MAML3: variants seen among roughly 807,000 people sequenced by gnomAD.
MAML3 encodes the protein mastermind-like protein 3.
A neutral mutation model predicts 101.9 loss-of-function variants in MAML3; 27 were observed. The ratio of observed to expected loss-of-function variants is 0.27; its 90% confidence interval spans 0.20 to 0.37. The LOEUF (loss-of-function observed/expected upper bound fraction) is 0.37. MAML3 is among the 10% of genes least tolerant of loss of function. MAML3 has a pLI of 1.00. For missense variants in MAML3, 1,316 were observed against 1,444.9 expected (o/e 0.91, Z 1.45); for synonymous variants, 501 against 555.9 (o/e 0.90, Z 1.39).
intron 1 of MAML3, among the ~76,000 whole-genome samples, chr4:140,108,631 C>A (rs1218383233): frequency 6.7e-6 from 1 of 149,812 alleles, no homozygotes; most frequent in Non-Finnish European, 1.5e-5. Flanking sequence ...CTTCTGATTA[C>A]CAGGGCCAAG....
intron 1 of MAML3, among the ~76,000 whole-genome samples, chr4:140,137,400 G>A (rs537294411): frequency 3.9e-5 from 6 of 152,146 alleles, no homozygotes; most frequent in Admixed American, 1.3e-4. Flanking sequence ...TTTTAACATT[G>A]AAAATTTTCT....
At chr4:139,823,624 GC>G (rs1422435234) in intron 2 of MAML3, among the ~76,000 whole-genome samples, 1 of 151,942 alleles carries the variant, frequency 6.6e-6, no homozygotes, top group East Asian at 1.9e-4. Context: ...TAAGCCTAGT[GC>G]CCTGGATCAT....
intron 2 of MAML3, among the ~76,000 whole-genome samples, chr4:139,794,655 T>C (rs1233645891): frequency 6.6e-6 from 1 of 152,212 alleles, no homozygotes; most frequent in East Asian, 1.9e-4. Context: ...CTTGTCCAGT[T>C]TTCAAAATGA....
chr4:140,073,203 T>C (rs1560885087), intron 1 of MAML3, among the ~76,000 whole-genome samples: 10 of 151,820 alleles, frequency 6.6e-5, no homozygotes, highest in Admixed American at 4.6e-4. Context: ...AGTGGCAAGA[T>C]CTTGGTTCAC....
intron 1 of MAML3, among the ~76,000 whole-genome samples, chr4:139,942,788 C>T (rs1424915352): frequency 6.6e-6 from 1 of 152,058 alleles, no homozygotes; most frequent in East Asian, 1.9e-4. Flanking sequence ...AAAACTGAAT[C>T]GTGATTTGGT....
chr4:139,874,307 A>G (rs1033678144), intron 2 of MAML3, among the ~76,000 whole-genome samples: 1 of 152,146 alleles, frequency 6.6e-6, no homozygotes, highest in Non-Finnish European at 1.5e-5. Flanking sequence ...TTAATATTGT[A>G]CTTTAAAATA....
intron 1 of MAML3, among the ~76,000 whole-genome samples, chr4:139,978,708 A>T (rs1236885577): frequency 6.6e-6 from 1 of 151,720 alleles, no homozygotes; most frequent in East Asian, 1.9e-4. Context: ...GCAGGTTATC[A>T]AAGAGACTTG....
chr4:139,854,647 T>G (rs988948692), intron 2 of MAML3, among the ~76,000 whole-genome samples: 1 of 83,266 alleles, frequency 1.2e-5, no homozygotes, highest in Admixed American at 1.3e-4. Flanking sequence ...TTAGGCCTGG[T>G]GGCAACAGGG....
At chr4:140,090,906 C>T (rs1156489156) in intron 1 of MAML3, among the ~76,000 whole-genome samples, 1 of 152,096 alleles carries the variant, frequency 6.6e-6, no homozygotes. Context: ...AAAAATTAGC[C>T]AGGCATGGTG....
At chr4:139,823,747 C>T (rs995594999) in intron 2 of MAML3, among the ~76,000 whole-genome samples, 1 of 150,984 alleles carries the variant, frequency 6.6e-6, no homozygotes, top group African/African-American at 2.4e-5. Flanking sequence ...TCTGCTAGAA[C>T]GTAAGCTGCA....
chr4:140,086,805 G>C (rs1336658159), intron 1 of MAML3, among the ~76,000 whole-genome samples: 1 of 152,192 alleles, frequency 6.6e-6, no homozygotes, highest in Admixed American at 6.5e-5. Context: ...AAAAAAAAGA[G>C]AGATTTTAAA....
intron 2 of MAML3, among the ~76,000 whole-genome samples, chr4:139,856,507 C>T (rs562630199): frequency 1.7e-4 from 26 of 152,340 alleles, no homozygotes; most frequent in Non-Finnish European, 3.4e-4. Flanking sequence ...GCAGGTAGCA[C>T]TCAGAGAGTC....
At chr4:140,074,827 T>C (rs1328483920) in intron 1 of MAML3, among the ~76,000 whole-genome samples, 2 of 152,176 alleles carry the variant, frequency 1.3e-5, no homozygotes, top group African/African-American at 4.8e-5. Flanking sequence ...TTCTGATAGT[T>C]CAATGTACAC....
At chr4:139,817,350 T>C (rs899370925) in intron 2 of MAML3, among the ~76,000 whole-genome samples, 1 of 152,198 alleles carries the variant, frequency 6.6e-6, no homozygotes, top group Admixed American at 6.5e-5. Context: ...TCCGTGGCTT[T>C]CATCCATGCA....
At chr4:139,877,163 T>C (rs774874350) in intron 2 of MAML3, among the ~76,000 whole-genome samples, 21 of 152,224 alleles carry the variant, frequency 1.4e-4, no homozygotes, top group Non-Finnish European at 2.6e-4. Context: ...TCATGTGTCA[T>C]ATTAACTAAT....
intron 2 of MAML3, among the ~76,000 whole-genome samples, chr4:139,773,909 C>T (rs974833390): frequency 4.6e-5 from 7 of 152,130 alleles, no homozygotes; most frequent in Admixed American, 3.9e-4. Context: ...TGCAAACAAC[C>T]GGACCACTGT....
intron 2 of MAML3, among the ~76,000 whole-genome samples, chr4:139,844,084 T>C (rs913121717): frequency 3.9e-5 from 6 of 152,198 alleles, no homozygotes; most frequent in African/African-American, 9.6e-5. Flanking sequence ...ACAACTAATA[T>C]GTGAGGTGCG....
intron 1 of MAML3, among the ~76,000 whole-genome samples, chr4:139,910,841 G>A (rs1007844450): frequency 3.3e-5 from 5 of 152,274 alleles, no homozygotes; most frequent in African/African-American, 7.2e-5. Context: ...TGGAAAGTCC[G>A]AGAAGTATAA....
intron 1 of MAML3, among the ~76,000 whole-genome samples, chr4:140,126,029 G>A (rs190086403): frequency 6.6e-6 from 1 of 152,200 alleles, no homozygotes; most frequent in East Asian, 1.9e-4. Flanking sequence ...ACCCGCCTTG[G>A]CTTCTGAAAG....
Sources: allele counts gnomAD v4.1 joint callset (sites outside exome capture counted in the v4.1 genomes callset), GRCh38; gene constraint gnomAD v4.1.1; transcripts MANE v1.5; gene names NCBI Gene and HGNC (gene_info 2026-07-23, HGNC 2026-07-21).